Variants in GRB14 observed in about 807,000 individuals in gnomAD.
The protein encoded by GRB14 is growth factor receptor-bound protein 14.
In GRB14, 38 loss-of-function variants were observed where a neutral mutation model predicts 69.1. The ratio of observed to expected loss-of-function variants is 0.55; its 90% CI spans 0.42 to 0.72. The LOEUF is 0.72. GRB14 is among the 30% of genes least tolerant of loss of function. The probability of loss-of-function intolerance (pLI) is 0.00; values close to 1 mark genes in which losing one functional copy is unlikely to be tolerated. For synonymous variants in GRB14, 247 were observed against 241.3 expected, an observed-to-expected ratio of 1.02 and a Z score of -0.22; for missense variants, 666 against 666.1, an observed-to-expected ratio of 1.00 and a Z score of 0.00.
intron 2 of GRB14, among the ~76,000 whole-genome samples, chr2:164,574,231 G>C (rs1177414842): frequency 6.6e-6 from 1 of 150,470 alleles, no homozygotes; most frequent in African/African-American, 2.4e-5. Context: ...AAATTGAGAG[G>C]AAAAATTATC....
In GRB14 at chr2:164,619,770, G is replaced by T; in HGVS notation, c.241C>A (p.Pro81Thr). The T allele has an allele frequency of 6.2e-7, 1 of 1,610,730 alleles. No individual in the cohort carries two copies. The highest frequency in any genetic ancestry group is 1.3e-5 in the African/African-American group (1 of 74,930). ...DVPEMPSIPNPFPELCCSPFT... is the reference protein window; with the variant it reads ...DVPEMPSIPNTFPELCCSPFT... ...GGAGAACAGCATAGCTCAGGAAAAG[G>T]GTTTGGAATAGATGGCATTTCCGGA... The change falls in exon 2 of 14, where the codon CCT (proline) becomes ACT (threonine). Residue 81 changes from proline to threonine, a missense_variant. Transcript: ENST00000263915.
intron 2 of GRB14, among the ~76,000 whole-genome samples, chr2:164,582,842 G>T (rs535397749): frequency 6.6e-6 from 1 of 152,314 alleles, no homozygotes; most frequent in South Asian, 2.1e-4. Flanking sequence ...ACAGAAGTTA[G>T]TATGGTGGTA....
intron 9 of GRB14, 67 bp from the exon 10 acceptor site, chr2:164,497,557 AGTGTT>A: frequency 2.8e-6 from 3 of 1,074,230 alleles, no homozygotes; most frequent in African/African-American, 1.6e-5. Context: ...ATAAATTGAA[AGTGTT>A]TTTCAATTTC....
At chr2:164,616,345 G>A (rs902966889) in intron 2 of GRB14, among the ~76,000 whole-genome samples, 2 of 143,152 alleles carry the variant, frequency 1.4e-5, no homozygotes, top group African/African-American at 5.2e-5. Flanking sequence ...AGAATGGCAT[G>A]AACCCAGGAG....
At position 164,497,106 on chromosome 2, in the gene GRB14, A is replaced by T; in HGVS notation, c.1295-11T>A. 6.2e-7 allele frequency: 1 copy of T among 1,611,300 alleles called. No homozygotes were observed. The highest frequency in any genetic ancestry group is 8.5e-7 in the Non-Finnish European group (1 of 1,177,504). On this transcript the variant is annotated splice_polypyrimidine_tract_variant and intron_variant, in intron 11 of 13. Coordinates refer to ENST00000263915, the MANE Select transcript of GRB14 (RefSeq NM_004490.3). The stretch of plus-strand genomic sequence containing the variant: ...GGGACCGGTGGATAGCTAAAGAAAT[A>T]GGATGGATGAATGCAAAGCTTTGTT...
intron 9 of GRB14, among the ~76,000 whole-genome samples, chr2:164,498,522 G>A (rs1161323625): frequency 2.0e-5 from 3 of 152,032 alleles, no homozygotes; most frequent in African/African-American, 7.2e-5. Flanking sequence ...ACATCAAGAA[G>A]GAATTAAAAT....
chr2:164,578,648 T>C (rs1376393069), intron 2 of GRB14, among the ~76,000 whole-genome samples: 3 of 151,806 alleles, frequency 2.0e-5, no homozygotes, highest in Non-Finnish European at 4.4e-5. Flanking sequence ...TGGACAAAAA[T>C]GTAAATGACT....
intron 2 of GRB14, among the ~76,000 whole-genome samples, chr2:164,610,911 C>CA (rs375922623): frequency 0.7 from 88,081 of 126,664 alleles, 30,471 homozygotes; most frequent in Admixed American, 0.78. Context: ...TTAGGCTGGT[C>CA]AAAAAAAAAA....
At chr2:164,610,151 A>C (rs998493069) in intron 2 of GRB14, among the ~76,000 whole-genome samples, 11 of 152,210 alleles carry the variant, frequency 7.2e-5, no homozygotes, top group Non-Finnish European at 2.9e-5. Flanking sequence ...TTCAAAGGGT[A>C]TATGTCTCCC....
chr2:164,553,592 T>C (rs77096443), intron 2 of GRB14, among the ~76,000 whole-genome samples: 2,153 of 152,324 alleles, frequency 0.014, 40 homozygotes, highest in African/African-American at 0.048. Context: ...ATATAGTCTG[T>C]AATTATCAAA....
intron 3 of GRB14, among the ~76,000 whole-genome samples, chr2:164,530,848 G>C (rs931732697): frequency 6.6e-6 from 1 of 152,134 alleles, no homozygotes; most frequent in Non-Finnish European, 1.5e-5. Context: ...TTTGAACACA[G>C]GAATAACATG....
At chr2:164,547,607 C>G (rs1233101477) in intron 3 of GRB14, 53 bp downstream of exon 3, 1 of 1,423,652 alleles carries the variant, frequency 7.0e-7, no homozygotes, top group African/African-American at 1.4e-5. Context: ...CAAGAGGGAG[C>G]TGAACAAGAA....
intron 2 of GRB14, chr2:164,574,021 C>A (rs1422386253): frequency 4.9e-6 from 7 of 1,433,620 alleles, no homozygotes; most frequent in Admixed American, 1.7e-5. Flanking sequence ...AAATTCTTAA[C>A]ATAGATTGTT....
intron 6 of GRB14, among the ~76,000 whole-genome samples, chr2:164,513,122 A>C (rs1687382781): frequency 1.4e-5 from 2 of 144,454 alleles, no homozygotes; most frequent in African/African-American, 2.6e-5. Context: ...TTTCCTTCCC[A>C]CTCCTCCCTC....
At chr2:164,592,042 C>T (rs1427885446) in intron 2 of GRB14, among the ~76,000 whole-genome samples, 1 of 152,122 alleles carries the variant, frequency 6.6e-6, no homozygotes, top group Non-Finnish European at 1.5e-5. Context: ...TTACCTTCCA[C>T]CATGATTGCG....
chr2:164,616,425 C>CAAAAAAAAAAAAAAAAAAAAAAAAAAA (rs34263597), intron 2 of GRB14, among the ~76,000 whole-genome samples: 1 of 66,628 alleles, frequency 1.5e-5, no homozygotes, highest in African/African-American at 6.5e-5. Flanking sequence ...GACTCCGTCT[C>CAAAAAAAAAAAAAAAAAAAAAAAAAAA]AAAAAAAAAA....
Position 164,577,018 on chromosome 2 carries a change from AC to A in GRB14, c.325-29203del, listed in dbSNP as rs369712670. On this transcript the variant is annotated intron_variant, in intron 2 of 13. Coordinates refer to ENST00000263915, the MANE Select transcript of GRB14 (RefSeq NM_004490.3). ...ACTTCCCCCAATTTTATGCAAAAAA[AC>A]ATAATGAAATAGATTATTCTCTGGA... is the stretch of plus-strand genomic sequence containing the variant. Among the ~76,000 whole-genome samples the A allele has an allele frequency of 1.4e-3, 207 of 152,270 alleles. 3 individuals carry two copies. The highest frequency in any genetic ancestry group is 3.5e-3 in the Admixed American group (53 of 15,294).
chr2:164,558,864 C>T (rs572899805), intron 2 of GRB14, among the ~76,000 whole-genome samples: 1 of 152,296 alleles, frequency 6.6e-6, no homozygotes, highest in Non-Finnish European at 1.5e-5. Flanking sequence ...GAGAAAGATA[C>T]TGTTTGCTAG....
At position 164,586,618 on chromosome 2, in the gene GRB14, G is replaced by A. The variant is rs540719998; in HGVS notation, c.324+33069C>T. Among the ~76,000 whole-genome samples, 18 of 152,244 alleles carry A rather than the reference G, an allele frequency of 1.2e-4. 1 individual carries two copies. The South Asian group carries it at 3.5e-3, about 30-fold the overall frequency. On this transcript the variant is annotated intron_variant, in intron 2 of 13. Coordinates refer to ENST00000263915, the MANE Select transcript of GRB14 (RefSeq NM_004490.3). ...GCCACAAAACACAGGCTACAGTGTT[G>A]GAGCTTTCAGAAATGAGCCAGTGCT...
Sources: gnomAD v4.1 joint callset for allele counts (sites outside exome capture counted in the v4.1 genomes callset) on GRCh38, gnomAD v4.1.1 for gene constraint, MANE v1.5 for transcripts, NCBI Gene and HGNC (gene_info 2026-07-23, HGNC 2026-07-21) for gene names.